NECAB1: variants seen among roughly 807,000 people sequenced by gnomAD.
NECAB1 encodes the protein N-terminal EF-hand calcium-binding protein 1.
Under a neutral mutation model 57.5 loss-of-function variants are expected in NECAB1, and 29 were observed. The observed-to-expected ratio is 0.50, with a 90% confidence interval of 0.38 to 0.69. NECAB1 has a LOEUF of 0.69. NECAB1 is among the 30% of genes least tolerant of loss of function. The probability of loss-of-function intolerance (pLI) is 0.00; values close to 1 mark genes in which losing one functional copy is unlikely to be tolerated. For synonymous variants in NECAB1, 142 were observed against 147.7 expected (o/e 0.96, Z 0.28); for missense variants, 372 against 413.8 (o/e 0.90, Z 0.88).
At chr8:90,878,845 A>G (rs1404908909) in intron 4 of NECAB1, among the ~76,000 whole-genome samples, 1 of 151,304 alleles carries the variant, frequency 6.6e-6, no homozygotes, top group East Asian at 1.9e-4. Context: ...TCTCTCCAGG[A>G]ACCTTTACTA....
intron 1 of NECAB1, among the ~76,000 whole-genome samples, chr8:90,799,799 G>A (rs1392848223): frequency 6.6e-6 from 1 of 152,054 alleles, no homozygotes; most frequent in Non-Finnish European, 1.5e-5. Context: ...CTCCATTTTG[G>A]TTCCATATGA....
chr8:90,889,859 A>G lies in NECAB1; in HGVS notation c.357+8729A>G, dbSNP rs185105702. Among the ~76,000 whole-genome samples, 273 of 152,332 alleles carry G rather than the reference A, an allele frequency of 1.8e-3. 2 individuals carry two copies. The highest frequency in any genetic ancestry group is 0.01 in the Middle Eastern group (3 of 294). ...ATGTTCTATTACTAGAAGTAAGTCA[A>G]TAAGTCCAGCCCACACTCAGTGGGA... is the stretch of plus-strand genomic sequence containing the variant. On this transcript the variant is annotated intron_variant, in intron 5 of 12. Transcript: ENST00000417640.
chr8:90,881,528 A>G (rs1023624835), intron 5 of NECAB1, among the ~76,000 whole-genome samples: 1 of 152,150 alleles, frequency 6.6e-6, no homozygotes, highest in Non-Finnish European at 1.5e-5. Context: ...CTGATGTTGA[A>G]TGAGTGAGTT....
rs180696579 is a variant in NECAB1, at chr8:90,942,392, T to A, written c.860+1494T>A. On this transcript the variant is annotated intron_variant, in intron 10 of 12. Transcript: ENST00000417640. The stretch of plus-strand genomic sequence containing the variant: ...CCTCAGTGCCACTAACAGCTCATCA[T>A]CTTCCAGTAGTGCCTTTGAAACAAG... 3.0e-4 allele frequency among the ~76,000 whole-genome samples: 45 copies of A among 152,342 alleles called. No individual in the cohort carries two copies. In the East Asian group the frequency reaches 8.7e-3, roughly 29 times the overall value.
chr8:90,802,837 T>C (rs1391408686), intron 2 of NECAB1, among the ~76,000 whole-genome samples: 1 of 152,244 alleles, frequency 6.6e-6, no homozygotes, highest in African/African-American at 2.4e-5. Flanking sequence ...ATGTGCTTTT[T>C]GTTCCCATTT....
chr8:90,849,262 A>G (rs1812633485), intron 3 of NECAB1, among the ~76,000 whole-genome samples: 1 of 152,202 alleles, frequency 6.6e-6, no homozygotes, highest in Non-Finnish European at 1.5e-5. Flanking sequence ...TGAAGCCATG[A>G]GTTCAAAACC....
intron 5 of NECAB1, among the ~76,000 whole-genome samples, chr8:90,899,364 T>A (rs139428272): frequency 0.014 from 2,056 of 152,264 alleles, 15 homozygotes; most frequent in Non-Finnish European, 0.019. Flanking sequence ...TCTGTGAAAA[T>A]TCAGCTTTAA....
chr8:90,947,389 CTTCT>C (rs1355737416), intron 10 of NECAB1, among the ~76,000 whole-genome samples: 4 of 137,142 alleles, frequency 2.9e-5, no homozygotes, highest in Non-Finnish European at 6.1e-5. Context: ...CTACATGTAA[CTTCT>C]TTTTTTTTTT....
At chr8:90,801,282 A>C (rs902546729) in intron 1 of NECAB1, among the ~76,000 whole-genome samples, 4 of 152,178 alleles carry the variant, frequency 2.6e-5, no homozygotes, top group Admixed American at 2.0e-4. Context: ...ATTCCTAGGA[A>C]GCTTAATCTG....
chr8:90,922,151 C>G (rs1810129864), intron 6 of NECAB1, among the ~76,000 whole-genome samples: 1 of 152,184 alleles, frequency 6.6e-6, no homozygotes, highest in Non-Finnish European at 1.5e-5. Flanking sequence ...CCCTAGGGGT[C>G]CCCTATTCTC....
chr8:90,837,380 G>T (rs11997330), intron 3 of NECAB1, among the ~76,000 whole-genome samples: 20,675 of 152,200 alleles, frequency 0.14, 2,515 homozygotes, highest in African/African-American at 0.33. Flanking sequence ...TAATGGGCAG[G>T]TATTGTATAC....
chr8:90,866,148 C>T (rs1789908614), intron 3 of NECAB1, among the ~76,000 whole-genome samples: 1 of 152,094 alleles, frequency 6.6e-6, no homozygotes, highest in African/African-American at 2.4e-5. Context: ...TGTGCCAGAA[C>T]CAGCTCAACA....
intron 3 of NECAB1, among the ~76,000 whole-genome samples, chr8:90,846,955 G>T (rs1812574038): frequency 6.6e-6 from 1 of 152,094 alleles, no homozygotes; most frequent in Admixed American, 6.5e-5. Flanking sequence ...CCATATCATT[G>T]TGCCCTGGCC....
chr8:90,892,191 T>C (rs1809198015), intron 5 of NECAB1, among the ~76,000 whole-genome samples: 2 of 152,204 alleles, frequency 1.3e-5, no homozygotes, highest in Non-Finnish European at 2.9e-5. Flanking sequence ...CATGGTCATG[T>C]AGTTTTTCTA....
rs33942093 is a variant in NECAB1 at position 90,917,881 on chromosome 8, T to TGTGTGTGC, written c.494+254_494+255insTGTGTGCG. On this transcript the variant is annotated intron_variant, in intron 6 of 12. Coordinates refer to ENST00000417640, the MANE Select transcript of NECAB1 (RefSeq NM_022351.5). The stretch of plus-strand genomic sequence containing the variant: ...ATATATATATATATATGTGTGTGTG[T>TGTGTGTGC]GCGTGTATATATATGTCTGTGTGTA... 7.1e-3 allele frequency among the ~76,000 whole-genome samples: 841 copies of TGTGTGTGC among 117,798 alleles called. 26 individuals are homozygous for TGTGTGTGC. The highest frequency in any genetic ancestry group is 0.024 in the East Asian group (78 of 3,236). The allele number at this position is 117,798 out of a possible 152,430, so 77.3% of individuals were successfully genotyped here.
Position 90,959,274 on chromosome 8 carries a change from C to A in NECAB1, c.*3762C>A. 4.2e-6 allele frequency: 1 copy of A among 239,736 alleles called. No homozygotes were observed. Among genetic ancestry groups the A allele is most frequent in the Non-Finnish European group, 7.9e-6 (1 of 125,882 alleles). The allele number at this position is 239,736 out of a possible 1,614,324, so 14.9% of individuals were successfully genotyped here. A position where few individuals can be genotyped will look rare whatever the true frequency, so the allele number is the denominator to read the frequency against. ...AACCTGTTCTTCTGTTTCTGTGGCACCTAGGTTTAAAATATGTATTAATGT... is the reference window on the plus strand; with the variant it reads ...AACCTGTTCTTCTGTTTCTGTGGCAACTAGGTTTAAAATATGTATTAATGT... On this transcript the variant is annotated 3_prime_UTR_variant, in exon 13 of 13. Coordinates refer to ENST00000417640, the MANE Select transcript of NECAB1 (RefSeq NM_022351.5).
chr8:90,955,410 G>A, intron 12 of NECAB1, 77 bp from the exon 13 acceptor site: 1 of 1,065,408 alleles, frequency 9.4e-7, no homozygotes, highest in South Asian at 1.4e-5. Flanking sequence ...GGTCTCTTTA[G>A]AAATAATTTG....
chr8:90,810,930 A>T (rs1811948052), intron 2 of NECAB1, among the ~76,000 whole-genome samples: 7 of 151,698 alleles, frequency 4.6e-5, no homozygotes, highest in Admixed American at 3.3e-4. Context: ...GAGAAAATTG[A>T]ATATTTTTCT....
intron 5 of NECAB1, among the ~76,000 whole-genome samples, 161 bp downstream of exon 5, chr8:90,881,291 T>C (rs1401037361): frequency 1.3e-5 from 2 of 152,362 alleles, no homozygotes; most frequent in East Asian, 1.9e-4. Context: ...AACATAATTA[T>C]AAACACTATA....
Sources: gnomAD v4.1 joint callset for allele counts (sites outside exome capture counted in the v4.1 genomes callset) on GRCh38, gnomAD v4.1.1 for gene constraint, MANE v1.5 for transcripts, NCBI Gene and HGNC (gene_info 2026-07-23, HGNC 2026-07-21) for gene names.